Variants in COLEC12 observed in about 807,000 individuals in gnomAD.
COLEC12 encodes collectin-12.
In COLEC12, 33 loss-of-function variants were observed where a neutral mutation model predicts 71.1. The observed-to-expected ratio is 0.46, with a 90% CI of 0.35 to 0.62. The LOEUF (loss-of-function observed/expected upper bound fraction) is 0.62. Ranked by LOEUF, COLEC12 falls within the 20% of genes least tolerant of loss-of-function variation. The probability of loss-of-function intolerance (pLI) is 0.00; values close to 1 mark genes in which losing one functional copy is unlikely to be tolerated. For missense variants in COLEC12, 765 were observed against 916.1 expected, an observed-to-expected ratio of 0.84 and a Z score of 2.13; for synonymous variants, 350 against 353.0, an observed-to-expected ratio of 0.99 and a Z score of 0.10.
chr18:431,676 C>A (rs1434249111), intron 2 of COLEC12, among the ~76,000 whole-genome samples: 1 of 152,132 alleles, frequency 6.6e-6, no homozygotes, highest in Non-Finnish European at 1.5e-5. Context: ...TGGAGAGGTC[C>A]AGCAATAAGC....
chr18:495,164 C>T (rs918979151), intron 1 of COLEC12, among the ~76,000 whole-genome samples: 4 of 152,186 alleles, frequency 2.6e-5, no homozygotes, highest in Non-Finnish European at 5.9e-5. Context: ...GGTTTTGGTT[C>T]TTCAAATGTC....
intron 2 of COLEC12, among the ~76,000 whole-genome samples, chr18:476,709 A>C (rs1231837794): frequency 6.6e-6 from 1 of 152,236 alleles, no homozygotes; most frequent in Non-Finnish European, 1.5e-5. Flanking sequence ...GCCACGTGTG[A>C]TGCTTTTAAT....
chr18:355,287 T>C (rs1342336902), intron 3 of COLEC12, among the ~76,000 whole-genome samples: 1 of 152,064 alleles, frequency 6.6e-6, no homozygotes, highest in Non-Finnish European at 1.5e-5. Flanking sequence ...CTGGGTGCTA[T>C]GGGAACAAAC....
intron 2 of COLEC12, among the ~76,000 whole-genome samples, chr18:478,892 G>C (rs1232369127): frequency 1.6e-5 from 2 of 125,948 alleles, no homozygotes; most frequent in Non-Finnish European, 3.2e-5. Context: ...TGAGTCATCC[G>C]TTGCAACTCC....
chr18:366,932 T>C (rs1315909480), intron 2 of COLEC12, among the ~76,000 whole-genome samples: 9 of 152,186 alleles, frequency 5.9e-5, no homozygotes, highest in Non-Finnish European at 1.3e-4. Context: ...CCAAGGCTGA[T>C]GCCACAGGGA....
intron 2 of COLEC12, among the ~76,000 whole-genome samples, chr18:468,529 A>AAC (rs138403777): frequency 0.014 from 2,109 of 151,442 alleles, 57 homozygotes; most frequent in African/African-American, 0.049. Context: ...TAAATAGCCA[A>AAC]ACACACACAC....
intron 2 of COLEC12, among the ~76,000 whole-genome samples, chr18:442,002 T>TACACACACACACACAC (rs56024245): frequency 1.2e-3 from 150 of 120,798 alleles, no homozygotes; most frequent in African/African-American, 3.6e-3. Context: ...TCTCTCTCTC[T>TACACACACACACACAC]ACACACACAC....
At chr18:477,664 T>C (rs1917331934) in intron 2 of COLEC12, among the ~76,000 whole-genome samples, 1 of 152,192 alleles carries the variant, frequency 6.6e-6, no homozygotes. Flanking sequence ...TCCTGTGTTT[T>C]TATAGTGTTG....
intron 2 of COLEC12, among the ~76,000 whole-genome samples, chr18:469,826 C>G (rs991577256): frequency 2.6e-5 from 4 of 152,124 alleles, no homozygotes; most frequent in African/African-American, 9.7e-5. Context: ...GATGAGGCCT[C>G]ACTGCCAGCA....
chr18:359,917 C>T (rs1914707659), intron 2 of COLEC12, among the ~76,000 whole-genome samples: 1 of 152,216 alleles, frequency 6.6e-6, no homozygotes, highest in Non-Finnish European at 1.5e-5. Context: ...AAGAGTTCTT[C>T]AGCTGTGTTT....
chr18:387,562 C>T (rs1237509448), intron 2 of COLEC12, among the ~76,000 whole-genome samples: 1 of 152,014 alleles, frequency 6.6e-6, no homozygotes, highest in Non-Finnish European at 1.5e-5. Context: ...TGTTTGAAGG[C>T]GTCAATGACA....
In COLEC12 at chr18:497,103, AATG is replaced by A. The variant is rs1303970570; in HGVS notation, c.7+3402_7+3404del. Among the ~76,000 whole-genome samples, 3 of 152,162 alleles carry A rather than the reference AATG, an allele frequency of 2.0e-5. No homozygotes were observed. In the East Asian group the frequency reaches 5.8e-4, roughly 29 times the overall value. On this transcript the variant is annotated intron_variant, in intron 1 of 9. Coordinates refer to ENST00000400256, the MANE Select transcript of COLEC12 (RefSeq NM_130386.3). Reference sequence around the variant, plus strand: ...AGTCATTTTCTTCTGGGTAATATATAATGATGTCATTATTTTGGTACTTGTGAC... The same window carrying A: ...AGTCATTTTCTTCTGGGTAATATATAATGTCATTATTTTGGTACTTGTGAC...
intron 5 of COLEC12, among the ~76,000 whole-genome samples, chr18:340,679 G>A (rs1914231271): frequency 6.6e-6 from 1 of 152,178 alleles, no homozygotes; most frequent in Non-Finnish European, 1.5e-5. Context: ...CCCACTGGTG[G>A]TAAGATTGGA....
At chr18:359,845 C>T (rs186882562) in intron 2 of COLEC12, among the ~76,000 whole-genome samples, 49 of 152,332 alleles carry the variant, frequency 3.2e-4, no homozygotes, top group Non-Finnish European at 4.3e-4. Context: ...GAGGATTAAG[C>T]CACAGTTGAA....
At chr18:326,772 A>G (rs694666) in intron 8 of COLEC12, among the ~76,000 whole-genome samples, 147,328 of 152,300 alleles carry the variant, frequency 0.97, 71,436 homozygotes, top group East Asian at 1. Context: ...TGGGTAAAAC[A>G]TCCCACAAAT....
At chr18:437,790 T>TTTCTTCGAAGCTTTGTCGCATCTATCAG (rs1381061998) in intron 2 of COLEC12, among the ~76,000 whole-genome samples, 6 of 152,352 alleles carry the variant, frequency 3.9e-5, no homozygotes, top group South Asian at 4.1e-4. Flanking sequence ...AGGTGCCACT[T>TTTCTTCGAAGCTTTGTCGCATCTATCAG]TTCTTCGAAG....
intron 1 of COLEC12, among the ~76,000 whole-genome samples, chr18:490,496 T>C (rs1917600886): frequency 6.6e-6 from 1 of 152,214 alleles, no homozygotes; most frequent in Non-Finnish European, 1.5e-5. Flanking sequence ...GGTAGGAAAC[T>C]GCTGTTTTTC....
intron 2 of COLEC12, among the ~76,000 whole-genome samples, chr18:427,555 T>C (rs1050680148): frequency 2.0e-5 from 3 of 151,864 alleles, no homozygotes; most frequent in Non-Finnish European, 4.4e-5. Context: ...AGACGGTGGT[T>C]CAGAGATGCA....
intron 2 of COLEC12, among the ~76,000 whole-genome samples, chr18:416,802 C>T (rs1270910418): frequency 3.4e-5 from 5 of 146,484 alleles, no homozygotes; most frequent in African/African-American, 7.6e-5. Context: ...ATTTAGAAGA[C>T]CTATCTTGCC....
Sources: gnomAD v4.1 joint callset for allele counts (sites outside exome capture counted in the v4.1 genomes callset) on GRCh38, gnomAD v4.1.1 for gene constraint, MANE v1.5 for transcripts, NCBI Gene and HGNC (gene_info 2026-07-23, HGNC 2026-07-21) for gene names.